Variants in COX7A2 observed in about 807,000 individuals in gnomAD.
COX7A2 encodes the protein cytochrome c oxidase subunit 7A2, mitochondrial.
In COX7A2, 11 loss-of-function variants were observed where a neutral mutation model predicts 11.6. The observed-to-expected ratio is 0.95, with a 90% CI of 0.60 to 1.57. The LOEUF is 1.57. COX7A2 is among the 40% of genes most tolerant of loss of function. The probability of loss-of-function intolerance (pLI) is 0.00; values close to 1 mark genes in which losing one functional copy is unlikely to be tolerated. For missense variants in COX7A2, 106 were observed against 100.9 expected, an observed-to-expected ratio of 1.05 and a Z score of -0.22; for synonymous variants, 30 against 38.2, an observed-to-expected ratio of 0.78 and a Z score of 0.79.
At chr6:75,243,989 T>C, upstream of COX7A2, 1 of 609,282 alleles carries the variant, frequency 1.6e-6, no homozygotes. Flanking sequence ...TTCAGTAGGC[T>C]GGTCCCTGGA....
chr6:75,240,910 T>G (rs1447424360), intron 2 of COX7A2: 1 of 291,864 alleles, frequency 3.4e-6, no homozygotes, highest in East Asian at 5.7e-5. Context: ...TTTAATCACT[T>G]TAAGCTTTAT....
chr6:75,243,436 G>A (rs1299921883), intron 1 of COX7A2, among the ~76,000 whole-genome samples: 1 of 152,086 alleles, frequency 6.6e-6, no homozygotes, highest in African/African-American at 2.4e-5. Context: ...ATCAATGACC[G>A]ACAGGGTTAG....
chr6:75,245,335 C>CA (rs1281027309), upstream of COX7A2, among the ~76,000 whole-genome samples: 1 of 151,998 alleles, frequency 6.6e-6, no homozygotes, highest in Non-Finnish European at 1.5e-5. Context: ...ACTAAAAATA[C>CA]AAAAAATAAG....
intron 2 of COX7A2, 172 bp downstream of exon 2, chr6:75,241,004 G>A (rs1771485550): frequency 1.4e-6 from 1 of 724,282 alleles, no homozygotes; most frequent in African/African-American, 1.8e-5. Context: ...GCTCCACCAG[G>A]TCTTTCCCCA....
At chr6:75,243,594 A>G (rs1204360528) in intron 1 of COX7A2, 123 bp downstream of exon 1, 1 of 836,626 alleles carries the variant, frequency 1.2e-6, no homozygotes, top group East Asian at 2.5e-5. Flanking sequence ...AAGGACACGA[A>G]TCAAGGTGAC....
At chr6:75,249,045 C>G (rs1771740121) in intron 1 of COX7A2, among the ~76,000 whole-genome samples, 1 of 152,144 alleles carries the variant, frequency 6.6e-6, no homozygotes, top group South Asian at 2.1e-4. Context: ...ATCACGAGGT[C>G]AAGAGATCGA....
chr6:75,243,749 A>C lies in COX7A2; in HGVS notation c.-15T>G. 6.2e-7 allele frequency: 1 copy of C among 1,613,894 alleles called. No homozygotes were observed. The highest frequency in any genetic ancestry group is 1.1e-5 in the South Asian group (1 of 91,072). On this transcript the variant is annotated 5_prime_UTR_variant, in exon 1 of 4. Transcript: ENST00000684430. Reference sequence around the variant, plus strand: ...TTCCGCAGCATCTTGGCTGTTACTGACCAGCAACCGCCACAACTGAACACC... The same window carrying C: ...TTCCGCAGCATCTTGGCTGTTACTGCCCAGCAACCGCCACAACTGAACACC...
upstream of COX7A2, among the ~76,000 whole-genome samples, chr6:75,246,202 ATCTCC>A (rs1771679134): frequency 1.3e-5 from 2 of 152,186 alleles, no homozygotes; most frequent in Admixed American, 1.3e-4. Flanking sequence ...AACTTGAGAC[ATCTCC>A]ACCTAGATGG....
intron 1 of COX7A2, among the ~76,000 whole-genome samples, chr6:75,242,204 A>T (rs1224636617): frequency 6.6e-6 from 1 of 151,230 alleles, no homozygotes; most frequent in Non-Finnish European, 1.5e-5. Flanking sequence ...CCATCTCAAA[A>T]AAAAAAAATC....
chr6:75,239,799 AT>A (rs369395620), intron 3 of COX7A2, among the ~76,000 whole-genome samples: 2 of 152,088 alleles, frequency 1.3e-5, no homozygotes, highest in Non-Finnish European at 2.9e-5. Context: ...TACTGGTGTT[AT>A]TTTTTTATTA....
upstream of COX7A2, among the ~76,000 whole-genome samples, chr6:75,247,121 A>G (rs376357500): frequency 2.0e-5 from 3 of 152,228 alleles, no homozygotes; most frequent in Non-Finnish European, 4.4e-5. Context: ...AAGTCTCGTC[A>G]GTAAGATGGA....
At chr6:75,239,975 C>A (rs1406090588) in intron 3 of COX7A2, among the ~76,000 whole-genome samples, 2 of 152,218 alleles carry the variant, frequency 1.3e-5, no homozygotes, top group East Asian at 3.9e-4. Flanking sequence ...GTGGTGCACG[C>A]CTGTAATCCC....
chr6:75,241,375 C>A (rs901541728), intron 1 of COX7A2, 110 bp from the exon 2 acceptor site: 3 of 977,504 alleles, frequency 3.1e-6, no homozygotes, highest in Non-Finnish European at 2.9e-6. Flanking sequence ...TGAAGCATAT[C>A]TGATTTGTCA....
intron 2 of COX7A2, 126 bp from the exon 3 acceptor site, chr6:75,240,511 A>AC: frequency 1.6e-6 from 1 of 611,828 alleles, no homozygotes; most frequent in Non-Finnish European, 2.7e-6. Context: ...TATTTTAAGT[A>AC]TTAAAATTTA....
At chr6:75,240,479 C>T in intron 2 of COX7A2, 94 bp from the exon 3 acceptor site, 1 of 748,878 alleles carries the variant, frequency 1.3e-6, no homozygotes, top group Non-Finnish European at 2.1e-6. Context: ...TGATATAGCT[C>T]CTTAAATCCC....
chr6:75,243,441 G>C (rs1421982637), intron 1 of COX7A2, among the ~76,000 whole-genome samples: 6 of 152,120 alleles, frequency 3.9e-5, no homozygotes, highest in Non-Finnish European at 2.9e-5. Context: ...TGACCGACAG[G>C]GTTAGAGGTG....
Position 75,240,309 on chromosome 6 carries a change from G to T in COX7A2, c.185C>A (p.Thr62Lys). ...CATTCCAAAGGCCTTACCACCAACT[G>T]TAAGAATCATGGTGGCTCTATACAG... ...ALLYRATMIL[T>K]VGGTAYAIYE... The change falls in exon 3 of 4, where the codon ACA becomes AAA. Residue 62 changes from threonine to lysine, a missense_variant. Transcript: ENST00000684430. The T allele has an allele frequency of 6.2e-7, 1 of 1,607,172 alleles. No homozygotes were observed. Among genetic ancestry groups the T allele is most frequent in the Non-Finnish European group, 8.5e-7 (1 of 1,176,754 alleles).
At chr6:75,247,039 G>A (rs1241508417), upstream of COX7A2, among the ~76,000 whole-genome samples, 3 of 152,296 alleles carry the variant, frequency 2.0e-5, no homozygotes, top group East Asian at 5.8e-4. Context: ...GGAGGGTTTT[G>A]TAACAGTATA....
Position 75,241,247 on chromosome 6 carries a change from G to T in COX7A2, c.37C>A (p.Gln13Lys), listed in dbSNP as rs898501796. 4 of 1,550,532 alleles carry T rather than the reference G, an allele frequency of 2.6e-6. No homozygotes were observed. In the African/African-American group the frequency reaches 5.4e-5, roughly 21 times the overall value. ...CGGGAAGCAGTGCTTATCGTCCTCT[G>T]CCCAATCTGACGAAGAGCCTAAAAT... ...RNLLALRQIG[Q>K]RTISTASRRH... The change falls in exon 2 of 4, where the codon CAG becomes AAG. Residue 13 changes from glutamine (Q) to lysine (K), a missense_variant. Transcript: ENST00000684430.
Sources: gnomAD v4.1 joint callset for allele counts (sites outside exome capture counted in the v4.1 genomes callset) on GRCh38, gnomAD v4.1.1 for gene constraint, MANE v1.5 for transcripts, NCBI Gene and HGNC (gene_info 2026-07-23, HGNC 2026-07-21) for gene names.